The following PCDH15 variants were observed in gnomAD, a reference collection of about 807,000 sequenced individuals.
The protein encoded by PCDH15 is protocadherin-15.
In PCDH15, 129 loss-of-function variants were observed where a neutral mutation model predicts 178.5. The ratio of observed to expected loss-of-function variants is 0.72; its 90% CI spans 0.63 to 0.84. PCDH15 has a LOEUF of 0.84. Ranked by LOEUF, PCDH15 falls within the 40% of genes least tolerant of loss-of-function variation. The pLI is 0.00. For synonymous variants in PCDH15, 800 were observed against 732.0 expected, an observed-to-expected ratio of 1.09 and a Z score of -1.50; for missense variants, 2,230 against 2,099.9, an observed-to-expected ratio of 1.06 and a Z score of -1.21.
chr10:55,099,084 T>C (rs1842517116), intron 2 of PCDH15, among the ~76,000 whole-genome samples: 1 of 152,096 alleles, frequency 6.6e-6, no homozygotes, highest in Non-Finnish European at 1.5e-5. Context: ...TTAGTGTCTG[T>C]ATTCTTTTTA....
chr10:54,143,113 C>G (rs1001214882), intron 14 of PCDH15, among the ~76,000 whole-genome samples: 1 of 152,006 alleles, frequency 6.6e-6, no homozygotes, highest in African/African-American at 2.4e-5. Context: ...ACATGTAAGG[C>G]TTATTAGGCT....
At chr10:55,537,087 T>C (rs1841594711) in intron 2 of PCDH15, among the ~76,000 whole-genome samples, 2 of 152,140 alleles carry the variant, frequency 1.3e-5, no homozygotes, top group South Asian at 2.1e-4. Context: ...TTAGATTAGA[T>C]TGAAGATCAT....
At chr10:55,121,992 A>T (rs187722235) in intron 2 of PCDH15, among the ~76,000 whole-genome samples, 1 of 152,250 alleles carries the variant, frequency 6.6e-6, no homozygotes, top group East Asian at 1.9e-4. Context: ...GATTCTCATG[A>T]CTTTCATTTT....
intron 2 of PCDH15, among the ~76,000 whole-genome samples, chr10:54,918,603 T>C (rs1282889272): frequency 2.6e-5 from 4 of 152,174 alleles, no homozygotes; most frequent in Admixed American, 6.5e-5. Flanking sequence ...GTCATTAATA[T>C]GGTAATTGCA....
chr10:55,185,838 T>G (rs1177546153), intron 1 of PCDH15, among the ~76,000 whole-genome samples: 4 of 151,754 alleles, frequency 2.6e-5, no homozygotes, highest in African/African-American at 7.2e-5. Context: ...GCCCTCTGCA[T>G]GGAGGAAAAG....
chr10:54,544,447 G>A (rs961130041), intron 2 of PCDH15, among the ~76,000 whole-genome samples: 2 of 147,976 alleles, frequency 1.4e-5, no homozygotes, highest in African/African-American at 5.1e-5. Context: ...CATATGATGT[G>A]GAAAGTTTTA....
At chr10:54,536,923 T>C (rs1460139025) in intron 2 of PCDH15, among the ~76,000 whole-genome samples, 1 of 152,002 alleles carries the variant, frequency 6.6e-6, no homozygotes, top group Non-Finnish European at 1.5e-5. Flanking sequence ...ATTGAATCCA[T>C]GTCTTTGTTA....
At chr10:55,337,712 A>G (rs1844434016) in intron 2 of PCDH15, among the ~76,000 whole-genome samples, 1 of 152,204 alleles carries the variant, frequency 6.6e-6, no homozygotes, top group Non-Finnish European at 1.5e-5. Flanking sequence ...CTGTTGTAGG[A>G]CATGACCTTT....
intron 2 of PCDH15, among the ~76,000 whole-genome samples, chr10:55,039,043 C>T (rs1032943616): frequency 8.6e-5 from 13 of 152,018 alleles, no homozygotes; most frequent in African/African-American, 3.1e-4. Flanking sequence ...TAAAAATTTT[C>T]TCATTAATTA....
chr10:55,124,512 G>A (rs1220404509), intron 2 of PCDH15, among the ~76,000 whole-genome samples: 1 of 152,054 alleles, frequency 6.6e-6, no homozygotes, highest in East Asian at 1.9e-4. Flanking sequence ...AGCTATAAAT[G>A]GAAATTTTGA....
intron 18 of PCDH15, among the ~76,000 whole-genome samples, chr10:54,038,019 G>A (rs549699008): frequency 1.3e-5 from 2 of 152,004 alleles, no homozygotes; most frequent in Non-Finnish European, 2.9e-5. Flanking sequence ...ACTGGGCTCA[G>A]AGGATCTCCT....
At chr10:55,625,533 T>C (rs1837508811) in intron 2 of PCDH15, among the ~76,000 whole-genome samples, 1 of 152,186 alleles carries the variant, frequency 6.6e-6, no homozygotes, top group African/African-American at 2.4e-5. Context: ...TTAGGAGTTG[T>C]AAATCTCAAT....
At chr10:54,992,751 T>G (rs918166402) in intron 2 of PCDH15, among the ~76,000 whole-genome samples, 1 of 123,372 alleles carries the variant, frequency 8.1e-6, no homozygotes, top group African/African-American at 3.7e-5. Flanking sequence ...TGATCCTCCA[T>G]CTCAAGAAAA....
intron 2 of PCDH15, among the ~76,000 whole-genome samples, chr10:54,945,396 T>G (rs535903471): frequency 1.6e-5 from 2 of 124,948 alleles, no homozygotes; most frequent in Admixed American, 7.8e-5. Flanking sequence ...TAGATAGATA[T>G]AAAAACAAGA....
At chr10:54,665,415 T>C (rs984252807) in intron 1 of PCDH15, among the ~76,000 whole-genome samples, 1 of 152,082 alleles carries the variant, frequency 6.6e-6, no homozygotes, top group Non-Finnish European at 1.5e-5. Flanking sequence ...ATGTCTCAAG[T>C]TCTCCAGTTT....
rs1284648488 is a variant in PCDH15 at position 53,866,636 on chromosome 10, A to G, written c.3717+6T>C. 1.9e-6 allele frequency: 3 copies of G among 1,611,400 alleles called. No homozygotes were observed. Among genetic ancestry groups the G allele is most frequent in the Non-Finnish European group, 1.7e-6 (2 of 1,177,736 alleles). On this transcript the variant is annotated splice_donor_region_variant and intron_variant, in intron 27 of 37. Transcript: ENST00000644397. ...ACTTCCCTTTCCTGAAGTTTTATCT[A>G]CTTACGAGTACATCGGCTTTGCCGC...
At chr10:54,967,927 A>G (rs1838833160) in intron 2 of PCDH15, among the ~76,000 whole-genome samples, 1 of 152,114 alleles carries the variant, frequency 6.6e-6, no homozygotes, top group African/African-American at 2.4e-5. Flanking sequence ...CAGTGTCCTC[A>G]TAGAACACAA....
intron 25 of PCDH15, among the ~76,000 whole-genome samples, chr10:53,926,496 A>T (rs2084566009): frequency 6.6e-6 from 1 of 152,200 alleles, no homozygotes; most frequent in African/African-American, 2.4e-5. Context: ...CAGTTGCTTT[A>T]TGAGAAACAC....
intron 33 of PCDH15, among the ~76,000 whole-genome samples, chr10:53,819,760 T>G (rs2076189861): frequency 6.6e-6 from 1 of 151,972 alleles, no homozygotes; most frequent in South Asian, 2.1e-4. Flanking sequence ...GGAAGAATAT[T>G]TAGGCTTGTG....
Sources: gnomAD v4.1 joint callset for allele counts (sites outside exome capture counted in the v4.1 genomes callset) on GRCh38, gnomAD v4.1.1 for gene constraint, MANE v1.5 for transcripts, NCBI Gene and HGNC (gene_info 2026-07-23, HGNC 2026-07-21) for gene names.